Variants in TNS1 observed in about 807,000 individuals in gnomAD.
TNS1 encodes the protein tensin-1.
In TNS1, 62 loss-of-function variants were observed where a neutral mutation model predicts 168.6. The ratio of observed to expected loss-of-function variants is 0.37; its 90% confidence interval spans 0.30 to 0.45. The LOEUF (loss-of-function observed/expected upper bound fraction) is 0.45. Among genes scored for constraint, TNS1 ranks in the 20% least tolerant of loss-of-function variants. The pLI is 1.00. For synonymous variants in TNS1, 934 were observed against 933.2 expected (o/e 1.00, Z -0.02); for missense variants, 2,240 against 2,339.4 (o/e 0.96, Z 0.88).
At chr2:217,973,714 G>A (rs1360469282) in intron 3 of TNS1, among the ~76,000 whole-genome samples, 1 of 152,210 alleles carries the variant, frequency 6.6e-6, no homozygotes, top group African/African-American at 2.4e-5. Flanking sequence ...CCGTCATGGG[G>A]CCTGGATGTT....
In TNS1 at chr2:217,815,005, C is replaced by T; in HGVS notation, c.4643-7G>A. 6.2e-7 allele frequency: 1 copy of T among 1,609,150 alleles called. No homozygotes were observed. Among genetic ancestry groups the T allele is most frequent in the Non-Finnish European group, 8.5e-7 (1 of 1,177,234 alleles). On this transcript the variant is annotated splice_region_variant and splice_polypyrimidine_tract_variant and intron_variant, in intron 24 of 32. Transcript: ENST00000682258. ...CGCGTCTCCGGGCTGTTGTCTAAAGCAGGAGAAGGGAAGAAAGTGTTATGG... is the reference window on the plus strand; with the variant it reads ...CGCGTCTCCGGGCTGTTGTCTAAAGTAGGAGAAGGGAAGAAAGTGTTATGG...
upstream of TNS1, among the ~76,000 whole-genome samples, chr2:218,012,066 C>T (rs1958712004): frequency 6.6e-6 from 1 of 152,218 alleles, no homozygotes; most frequent in South Asian, 2.1e-4. Context: ...CTGCTGAGTC[C>T]TGTTCCAAGT....
chr2:217,904,639 T>C (rs1953440070), intron 6 of TNS1, among the ~76,000 whole-genome samples: 1 of 152,118 alleles, frequency 6.6e-6, no homozygotes. Flanking sequence ...AGATCACCAA[T>C]ACTTTCTTCT....
At chr2:217,837,795 T>A (rs1020362683) in intron 19 of TNS1, among the ~76,000 whole-genome samples, 2 of 152,170 alleles carry the variant, frequency 1.3e-5, no homozygotes, top group African/African-American at 4.8e-5. Context: ...AACAGAAAAA[T>A]AGGAGTCCCA....
At chr2:217,947,346 G>A (rs1307742563) in intron 3 of TNS1, among the ~76,000 whole-genome samples, 1 of 152,186 alleles carries the variant, frequency 6.6e-6, no homozygotes, top group African/African-American at 2.4e-5. Flanking sequence ...AGGGAGAAAA[G>A]AGGTGAGGAG....
At chr2:217,875,222 G>A (rs115150401) in intron 18 of TNS1, among the ~76,000 whole-genome samples, 3,509 of 152,306 alleles carry the variant, frequency 0.023, 141 homozygotes, top group African/African-American at 0.078. Flanking sequence ...TGGATATGTA[G>A]TATGAGCAGA....
intron 19 of TNS1, among the ~76,000 whole-genome samples, chr2:217,843,183 A>T (rs1298357467): frequency 1.3e-5 from 2 of 151,600 alleles, no homozygotes; most frequent in Non-Finnish European, 2.9e-5. Context: ...AAAGCTTGAC[A>T]TCAATATTTC....
intron 6 of TNS1, chr2:217,903,510 G>C: frequency 6.8e-7 from 1 of 1,464,436 alleles, no homozygotes; most frequent in African/African-American, 1.4e-5. Context: ...AAATGGCTTT[G>C]AACTTCTTCC....
intron 6 of TNS1, among the ~76,000 whole-genome samples, chr2:217,902,500 G>A (rs997554797): frequency 3.3e-5 from 5 of 152,150 alleles, no homozygotes; most frequent in East Asian, 1.9e-4. Flanking sequence ...AAGGGGGGCC[G>A]GGAGCCTGCA....
intron 2 of TNS1, among the ~76,000 whole-genome samples, chr2:217,980,512 G>A (rs1244624641): frequency 1.7e-5 from 1 of 58,788 alleles, no homozygotes; most frequent in Admixed American, 1.9e-4. Context: ...CACACAGAGA[G>A]AGAGAGAGAG....
At chr2:217,885,560 C>G (rs1334502594) in intron 15 of TNS1, among the ~76,000 whole-genome samples, 184 bp downstream of exon 15, 1 of 152,200 alleles carries the variant, frequency 6.6e-6, no homozygotes, top group African/African-American at 2.4e-5. Context: ...AACAGCTAAG[C>G]CCAGGGTGAG....
chr2:217,960,520 G>T (rs1335148148), intron 3 of TNS1, among the ~76,000 whole-genome samples: 1 of 152,074 alleles, frequency 6.6e-6, no homozygotes, highest in Non-Finnish European at 1.5e-5. Context: ...GTCTTAGAGG[G>T]CACAGATGGC....
At chr2:217,951,228 G>C (rs1364990141) in intron 3 of TNS1, among the ~76,000 whole-genome samples, 1 of 152,154 alleles carries the variant, frequency 6.6e-6, no homozygotes, top group African/African-American at 2.4e-5. Context: ...TGAGTACTGA[G>C]TGCAAGATCT....
chr2:218,011,843 C>T (rs376705001), upstream of TNS1, among the ~76,000 whole-genome samples: 44 of 152,148 alleles, frequency 2.9e-4, 1 homozygote, highest in African/African-American at 1.0e-3. Flanking sequence ...TGGATAGAGA[C>T]GGGGGAAAGA....
At chr2:217,950,851 G>A (rs1391969814) in intron 3 of TNS1, among the ~76,000 whole-genome samples, 11 of 151,196 alleles carry the variant, frequency 7.3e-5, no homozygotes, top group East Asian at 1.9e-4. Flanking sequence ...TTTACCCCTC[G>A]GCTCACTTTC....
At chr2:217,815,705 C>G (rs900896986) in intron 24 of TNS1, among the ~76,000 whole-genome samples, 4 of 152,186 alleles carry the variant, frequency 2.6e-5, no homozygotes, top group East Asian at 1.9e-4. Context: ...AGCTTTTCTC[C>G]CATGGCCTAA....
At chr2:218,015,924 G>A (rs1445892712) in intron 1 of TNS1, among the ~76,000 whole-genome samples, 1 of 152,208 alleles carries the variant, frequency 6.6e-6, no homozygotes, top group African/African-American at 2.4e-5. Flanking sequence ...CTAGGAGCTG[G>A]GCGCTGGGTC....
intron 2 of TNS1, 33 bp from the exon 3 acceptor site, chr2:217,978,835 T>C (rs1283229329): frequency 5.7e-6 from 4 of 701,550 alleles, no homozygotes; most frequent in Admixed American, 4.0e-5. Context: ...AAGAAAGTTT[T>C]AGCCGCGAGG....
At chr2:217,811,906 G>A (rs1940985864) in intron 28 of TNS1, among the ~76,000 whole-genome samples, 1 of 152,184 alleles carries the variant, frequency 6.6e-6, no homozygotes, top group South Asian at 2.1e-4. Flanking sequence ...CCAGCACACA[G>A]ATTAGAAAGT....
Sources: gnomAD v4.1 joint callset for allele counts (sites outside exome capture counted in the v4.1 genomes callset) on GRCh38, gnomAD v4.1.1 for gene constraint, MANE v1.5 for transcripts, NCBI Gene and HGNC (gene_info 2026-07-23, HGNC 2026-07-21) for gene names.